WDPCP: variants seen among roughly 807,000 people sequenced by gnomAD.
WDPCP encodes WD repeat-containing and planar cell polarity effector protein fritz homolog.
A neutral mutation model predicts 93.1 loss-of-function variants in WDPCP; 71 were observed. The observed-to-expected ratio is 0.76, with a 90% CI of 0.63 to 0.93. The LOEUF (loss-of-function observed/expected upper bound fraction) is 0.93, where lower values mean the gene tolerates loss of function less well. Ranked by LOEUF, WDPCP falls within the 40% of genes least tolerant of loss-of-function variation. The pLI is 0.00. For synonymous variants in WDPCP, 315 were observed against 315.0 expected, an observed-to-expected ratio of 1.00 and a Z score of 0.00; for missense variants, 844 against 887.4, an observed-to-expected ratio of 0.95 and a Z score of 0.62.
chr2:63,548,558 A>G (rs1705325520), intron 1 of WDPCP, among the ~76,000 whole-genome samples: 2 of 152,306 alleles, frequency 1.3e-5, no homozygotes, highest in East Asian at 3.9e-4. Context: ...GCTAAAGAAT[A>G]TGTACTCTTC....
chr2:63,298,893 C>A (rs1279809621), intron 13 of WDPCP, among the ~76,000 whole-genome samples: 1 of 152,136 alleles, frequency 6.6e-6, no homozygotes, highest in Admixed American at 6.5e-5. Context: ...TAGTGGTAGT[C>A]CTCAATTTTC....
intron 1 of WDPCP, among the ~76,000 whole-genome samples, chr2:63,497,111 CAAAAAAA>C (rs10667775): frequency 6.9e-5 from 5 of 72,480 alleles, no homozygotes; most frequent in African/African-American, 2.8e-4. Flanking sequence ...GACTCCATCT[CAAAAAAA>C]AAAAAAAAAA....
chr2:63,810,118 G>A (rs572686538), intron 2 of WDPCP, among the ~76,000 whole-genome samples: 6 of 152,062 alleles, frequency 3.9e-5, no homozygotes, highest in Non-Finnish European at 5.9e-5. Context: ...CTAAAGACCT[G>A]GTGAACTGCA....
At position 63,672,712 on chromosome 2, in the gene WDPCP, CTTTATTTTAT is replaced by C. The variant is rs70965140; in HGVS notation, n.309-21884_309-21875del. ...TAGCATTATCCTGGCTCACTGAAGC[CTTTATTTTAT>C]TTTATTTTATTTTATTTTATTTTAT... On this transcript the variant is annotated intron_variant and non_coding_transcript_variant, in intron 2 of 4. Coordinates refer to the WDPCP transcript ENST00000467687. Among the ~76,000 whole-genome samples, 487 of 113,178 alleles carry C rather than the reference CTTTATTTTAT, an allele frequency of 4.3e-3. 1 individual carries two copies. The highest frequency in any genetic ancestry group is 7.1e-3 in the South Asian group (22 of 3,096). 74.2% of individuals were successfully genotyped at this position (113,178 alleles called of 152,430 possible). A position where few individuals can be genotyped will look rare whatever the true frequency, so the allele number is the denominator to read the frequency against.
intron 7 of WDPCP, chr2:63,437,987 G>T: frequency 1.5e-6 from 2 of 1,337,034 alleles, no homozygotes; most frequent in Non-Finnish European, 1.9e-6. Flanking sequence ...TTCTCTACCA[G>T]TCTATTTATT....
intron 2 of WDPCP, among the ~76,000 whole-genome samples, chr2:63,699,294 C>T (rs1669010807): frequency 6.6e-6 from 1 of 152,208 alleles, no homozygotes; most frequent in African/African-American, 2.4e-5. Flanking sequence ...TAGTACTTCA[C>T]AGATTGTAAT....
intron 14 of WDPCP, among the ~76,000 whole-genome samples, chr2:63,223,774 A>G (rs1033256513): frequency 7.2e-5 from 11 of 152,226 alleles, no homozygotes; most frequent in African/African-American, 2.4e-4. Context: ...CAAATAACCT[A>G]GCACCATTTA....
At chr2:63,206,195 C>G (rs1676322860) in intron 14 of WDPCP, among the ~76,000 whole-genome samples, 4 of 152,106 alleles carry the variant, frequency 2.6e-5, no homozygotes, top group Admixed American at 1.3e-4. Flanking sequence ...GATGAACGCT[C>G]TTTTTAATGT....
intron 2 of WDPCP, among the ~76,000 whole-genome samples, chr2:63,725,228 T>C (rs1258327615): frequency 6.6e-6 from 1 of 152,184 alleles, no homozygotes; most frequent in Non-Finnish European, 1.5e-5. Context: ...CAGGCTCCCA[T>C]GTCTATTGTT....
intron 13 of WDPCP, among the ~76,000 whole-genome samples, chr2:63,267,345 C>T (rs1449426536): frequency 1.3e-5 from 2 of 152,038 alleles, no homozygotes; most frequent in Non-Finnish European, 2.9e-5. Flanking sequence ...AAAATCAACT[C>T]AAAATGGATA....
chr2:63,530,638 T>C (rs1575591555), intron 1 of WDPCP, among the ~76,000 whole-genome samples: 1 of 152,304 alleles, frequency 6.6e-6, no homozygotes, highest in East Asian at 1.9e-4. Context: ...AAACTGTCCT[T>C]CATCTCTGAC....
intron 10 of WDPCP, among the ~76,000 whole-genome samples, chr2:63,390,075 CT>C (rs1284222902): frequency 5.3e-5 from 8 of 152,156 alleles, no homozygotes; most frequent in East Asian, 1.9e-4. Flanking sequence ...TTCTCTACCC[CT>C]AATCAAGAGA....
At chr2:63,548,752 C>T (rs1341487828) in intron 1 of WDPCP, among the ~76,000 whole-genome samples, 1 of 151,732 alleles carries the variant, frequency 6.6e-6, no homozygotes, top group African/African-American at 2.4e-5. Context: ...GCCTCAGCAT[C>T]CTGAGTAGCT....
In WDPCP at chr2:63,343,376, C is replaced by T. The variant is rs1688984945; in HGVS notation, c.1749-30065G>A. Among the ~76,000 whole-genome samples, 3 of 152,000 alleles carry T rather than the reference C, an allele frequency of 2.0e-5. No homozygotes were observed. In the South Asian group the frequency reaches 6.2e-4, roughly 32 times the overall value. On this transcript the variant is annotated intron_variant, in intron 12 of 17. Coordinates refer to ENST00000272321, the MANE Select transcript of WDPCP (RefSeq NM_015910.7). ...TACTAATGAGAAAAGTATCTGTTAA[C>T]ATACTGAGGATCCCTTCTACATGGA...
At chr2:63,567,144 G>C (rs1429744127) in intron 1 of WDPCP, among the ~76,000 whole-genome samples, 1 of 152,110 alleles carries the variant, frequency 6.6e-6, no homozygotes, top group African/African-American at 2.4e-5. Context: ...GGCGTTAAAG[G>C]TTTCATTAAT....
intron 13 of WDPCP, among the ~76,000 whole-genome samples, chr2:63,312,851 CTG>C (rs1218201872): frequency 6.6e-6 from 1 of 152,074 alleles, no homozygotes; most frequent in East Asian, 1.9e-4. Flanking sequence ...AAGGGACAAA[CTG>C]AGCACATTCG....
intron 9 of WDPCP, among the ~76,000 whole-genome samples, chr2:63,422,984 C>T (rs1233030031): frequency 1.3e-5 from 2 of 152,058 alleles, no homozygotes; most frequent in Non-Finnish European, 2.9e-5. Context: ...GATGCACACT[C>T]GGTGATAAAA....
At chr2:63,831,386 C>G (rs1318620998), upstream of WDPCP, among the ~76,000 whole-genome samples, 2 of 152,180 alleles carry the variant, frequency 1.3e-5, no homozygotes, top group African/African-American at 4.8e-5. Flanking sequence ...ACACAATGCT[C>G]TGTTTCAGAG....
chr2:63,684,886 G>T (rs1267390350), intron 2 of WDPCP, among the ~76,000 whole-genome samples: 1 of 152,040 alleles, frequency 6.6e-6, no homozygotes, highest in Non-Finnish European at 1.5e-5. Flanking sequence ...GTGAGTCAAT[G>T]AAAAAATTAA....
Sources: gnomAD v4.1 joint callset for allele counts (sites outside exome capture counted in the v4.1 genomes callset) on GRCh38, gnomAD v4.1.1 for gene constraint, MANE v1.5 for transcripts, NCBI Gene and HGNC (gene_info 2026-07-23, HGNC 2026-07-21) for gene names.